TPTE2: variants seen among roughly 807,000 people sequenced by gnomAD.
The protein encoded by TPTE2 is transmembrane phosphoinositide 3-phosphatase and tensin homolog 2.
In TPTE2, 53 loss-of-function variants were observed where a neutral mutation model predicts 78.6. The observed-to-expected ratio is 0.67, with a 90% CI of 0.54 to 0.85. TPTE2 has a LOEUF of 0.85. Among genes scored for constraint, TPTE2 ranks in the 40% least tolerant of loss-of-function variants. The probability of loss-of-function intolerance (pLI) is 0.00; values close to 1 mark genes in which losing one functional copy is unlikely to be tolerated. For missense variants in TPTE2, 461 were observed against 623.0 expected, an observed-to-expected ratio of 0.74 and a Z score of 2.77; for synonymous variants, 175 against 206.2, an observed-to-expected ratio of 0.85 and a Z score of 1.30.
intron 1 of TPTE2, among the ~76,000 whole-genome samples, chr13:19,529,437 T>G (rs1870729785): frequency 6.6e-6 from 1 of 152,188 alleles, no homozygotes; most frequent in South Asian, 2.1e-4. Context: ...GGGTTCTTAG[T>G]TTTCAATATC....
intron 1 of TPTE2, among the ~76,000 whole-genome samples, chr13:19,526,047 CAA>C (rs1358455670): frequency 6.6e-6 from 1 of 152,022 alleles, no homozygotes; most frequent in African/African-American, 2.4e-5. Context: ...TAGATGCTGG[CAA>C]AGTTACAGAG....
At chr13:19,438,028 G>A (rs1223121973) in intron 14 of TPTE2, 64 bp downstream of exon 17, 11 of 1,574,250 alleles carry the variant, frequency 7.0e-6, no homozygotes, top group African/African-American at 1.4e-5. Flanking sequence ...CGTCCTACCA[G>A]CGATCTTTCA....
chr13:19,553,467 C>A, the TPTE2 span, among the ~76,000 whole-genome samples: 34 of 152,112 alleles, frequency 2.2e-4, no homozygotes, highest in African/African-American at 7.5e-4. Flanking sequence ...TAATACATGT[C>A]CACACAAAGA....
chr13:19,436,269 T>G (rs1261119808), exon 15 of TPTE2: 1 of 1,613,304 alleles, frequency 6.2e-7, no homozygotes, highest in Non-Finnish European at 8.5e-7. Flanking sequence ...GCTGTGGGTT[T>G]TATTGGTTCG....
intron 13 of TPTE2, among the ~76,000 whole-genome samples, chr13:19,439,732 G>A (rs1877364406): frequency 6.6e-6 from 1 of 152,020 alleles, no homozygotes; most frequent in Non-Finnish European, 1.5e-5. Context: ...AGGAAATGAA[G>A]GAAGAGATAA....
chr13:19,435,464 G>A (rs1001289122), intron 15 of TPTE2, among the ~76,000 whole-genome samples: 1 of 152,070 alleles, frequency 6.6e-6, no homozygotes, highest in Non-Finnish European at 1.5e-5. Context: ...GGGAAAGAAC[G>A]GATGAAACGT....
At chr13:19,430,489 A>C (rs1470856594) in exon 17 of TPTE2, 1 of 1,610,914 alleles carries the variant, frequency 6.2e-7, no homozygotes, top group Non-Finnish European at 8.5e-7. Flanking sequence ...CTAATGAAGT[A>C]CTGGAAAAGA....
intron 4 of TPTE2, among the ~76,000 whole-genome samples, chr13:19,478,050 T>C (rs1880082156): frequency 6.6e-6 from 1 of 152,104 alleles, no homozygotes; most frequent in Admixed American, 6.5e-5. Context: ...GAAAAGATGG[T>C]AAATAATATA....
intron 6 of TPTE2, among the ~76,000 whole-genome samples, chr13:19,468,025 CTTTTTTTTTT>C (rs71092364): frequency 2.0e-4 from 9 of 45,488 alleles, no homozygotes; most frequent in South Asian, 2.4e-3. Context: ...GACAGGATCT[CTTTTTTTTTT>C]TTTTTTTTTT....
intron 15 of TPTE2, among the ~76,000 whole-genome samples, chr13:19,435,660 G>A (rs1877023152): frequency 6.6e-6 from 1 of 152,088 alleles, no homozygotes; most frequent in Non-Finnish European, 1.5e-5. Context: ...ATGTAAAAGT[G>A]CAATACTGTC....
intron 10 of TPTE2, among the ~76,000 whole-genome samples, chr13:19,457,704 G>A (rs953917533): frequency 4.6e-5 from 7 of 152,046 alleles, no homozygotes; most frequent in African/African-American, 1.4e-4. Flanking sequence ...ATGTAATCTT[G>A]TTCCTTTTTA....
upstream of TPTE2, among the ~76,000 whole-genome samples, chr13:19,508,092 C>T (rs17090578): frequency 0.025 from 3,759 of 152,226 alleles, 66 homozygotes; most frequent in Middle Eastern, 0.051. Flanking sequence ...GACAATGACA[C>T]GGCTTACGTC....
intron 1 of TPTE2, among the ~76,000 whole-genome samples, chr13:19,499,669 T>C (rs1375249598): frequency 7.3e-6 from 1 of 136,346 alleles, no homozygotes; most frequent in South Asian, 2.5e-4. Context: ...GGGAAATTTA[T>C]AGCACTAAAT....
Position 19,459,307 on chromosome 13 carries a change from T to G in TPTE2, c.741+5149A>C, listed in dbSNP as rs575222103. Among the ~76,000 whole-genome samples the G allele has an allele frequency of 5.6e-4, 85 of 152,268 alleles. 2 individuals carry two copies. In the South Asian group the frequency reaches 8.1e-3, roughly 15 times the overall value. On this transcript the variant is annotated intron_variant, in intron 10 of 19. Coordinates refer to ENST00000400230, the Ensembl canonical transcript of TPTE2. ...ATTTAAGTTCCTCATAGACTCTGAA[T>G]GAGATACTGCCGGTGAAGCCTGAGA... is the stretch of plus-strand genomic sequence containing the variant.
intron 1 of TPTE2, among the ~76,000 whole-genome samples, chr13:19,501,553 A>T (rs1868557786): frequency 6.6e-6 from 1 of 150,884 alleles, no homozygotes; most frequent in Non-Finnish European, 1.5e-5. Flanking sequence ...CAATGGGGAA[A>T]GGATTCCCTA....
chr13:19,538,891 T>C (rs1871358530), upstream of TPTE2, among the ~76,000 whole-genome samples: 1 of 152,212 alleles, frequency 6.6e-6, no homozygotes. Context: ...GTATGTATGG[T>C]ATGAAGCAGA....
At chr13:19,556,486 C>A in the TPTE2 span, among the ~76,000 whole-genome samples, 740 of 152,164 alleles carry the variant, frequency 4.9e-3, 8 homozygotes, top group African/African-American at 0.017. Flanking sequence ...ATTAAATGAG[C>A]CCTTGGAGGC....
intron 3 of TPTE2, among the ~76,000 whole-genome samples, chr13:19,491,592 A>G (rs879932251): frequency 2.6e-5 from 4 of 152,100 alleles, no homozygotes; most frequent in East Asian, 1.9e-4. Context: ...TTGGGAGGCT[A>G]AGGCGGGTGG....
At chr13:19,478,847 C>T (rs141737265) in intron 4 of TPTE2, among the ~76,000 whole-genome samples, 1 of 152,236 alleles carries the variant, frequency 6.6e-6, no homozygotes, top group East Asian at 1.9e-4. Flanking sequence ...AGGATGAGTT[C>T]ATGTCCTTTG....
Sources: gnomAD v4.1 joint callset for allele counts (sites outside exome capture counted in the v4.1 genomes callset) on GRCh38, gnomAD v4.1.1 for gene constraint, MANE v1.5 for transcripts, NCBI Gene and HGNC (gene_info 2026-07-23, HGNC 2026-07-21) for gene names.